The following RAB38 variants were observed in gnomAD, a reference collection of about 807,000 sequenced individuals.
RAB38 encodes ras-related protein Rab-38.
In RAB38, 15 loss-of-function variants were observed where a neutral mutation model predicts 18.4. That is an observed-to-expected ratio of 0.82 (90% confidence interval 0.55 to 1.26). RAB38 has a LOEUF of 1.26. RAB38 is among the 50% of genes most tolerant of loss of function. RAB38 has a pLI of 0.00. For missense variants in RAB38, 294 were observed against 267.4 expected, an observed-to-expected ratio of 1.10 and a Z score of -0.69; for synonymous variants, 101 against 104.4, an observed-to-expected ratio of 0.97 and a Z score of 0.20.
At chr11:88,074,633 G>T in the RAB38 span, among the ~76,000 whole-genome samples, 3 of 152,066 alleles carry the variant, frequency 2.0e-5, no homozygotes, top group Non-Finnish European at 4.4e-5. Flanking sequence ...CAGTAAGAAA[G>T]GAAGGAAGGG....
At chr11:88,042,122 T>C in the RAB38 span, among the ~76,000 whole-genome samples, 2 of 151,998 alleles carry the variant, frequency 1.3e-5, no homozygotes, top group Non-Finnish European at 2.9e-5. Flanking sequence ...TACTGTAAAC[T>C]CAACTCCTTC....
At chr11:87,969,967 T>A in the RAB38 span, among the ~76,000 whole-genome samples, 1 of 152,068 alleles carries the variant, frequency 6.6e-6, no homozygotes, top group African/African-American at 2.4e-5. Context: ...GAAACCTGTA[T>A]AACCAAGGTC....
At chr11:88,134,385 T>C (rs1326069322) in intron 2 of RAB38, among the ~76,000 whole-genome samples, 1 of 151,482 alleles carries the variant, frequency 6.6e-6, no homozygotes, top group African/African-American at 2.4e-5. Flanking sequence ...GGACTACCGG[T>C]GTCTGCCACC....
the RAB38 span, among the ~76,000 whole-genome samples, chr11:87,876,819 C>A: frequency 6.6e-6 from 1 of 151,710 alleles, no homozygotes; most frequent in African/African-American, 2.4e-5. Flanking sequence ...ACCTGCTCAC[C>A]TGGTAGCAGA....
the RAB38 span, among the ~76,000 whole-genome samples, chr11:87,919,875 A>G: frequency 6.6e-6 from 1 of 151,968 alleles, no homozygotes; most frequent in African/African-American, 2.4e-5. Context: ...TTTAACTTAA[A>G]TTTGTTGGCA....
At chr11:88,028,554 G>C in the RAB38 span, among the ~76,000 whole-genome samples, 1 of 152,182 alleles carries the variant, frequency 6.6e-6, no homozygotes, top group African/African-American at 2.4e-5. Context: ...GGAGCTGAAA[G>C]CCAAGGCTCG....
chr11:88,094,996 G>A, the RAB38 span, among the ~76,000 whole-genome samples: 4 of 151,264 alleles, frequency 2.6e-5, no homozygotes, highest in South Asian at 6.3e-4. Flanking sequence ...ACATTATTTC[G>A]CCTATGGCCA....
the RAB38 span, among the ~76,000 whole-genome samples, chr11:87,957,005 C>T: frequency 6.6e-6 from 1 of 151,544 alleles, no homozygotes; most frequent in African/African-American, 2.4e-5. Flanking sequence ...CTTGAGTCCT[C>T]ATTTCCGAAC....
At chr11:88,051,779 A>G in the RAB38 span, among the ~76,000 whole-genome samples, 2 of 152,214 alleles carry the variant, frequency 1.3e-5, no homozygotes, top group African/African-American at 4.8e-5. Context: ...TCAGCAAAGT[A>G]TTAGAACCAT....
At chr11:87,938,808 G>T in the RAB38 span, among the ~76,000 whole-genome samples, 1 of 151,758 alleles carries the variant, frequency 6.6e-6, no homozygotes, top group Non-Finnish European at 1.5e-5. Flanking sequence ...TCACCACTTT[G>T]TAGCTCCTTG....
At chr11:87,923,099 T>C in the RAB38 span, among the ~76,000 whole-genome samples, 9 of 151,998 alleles carry the variant, frequency 5.9e-5, no homozygotes, top group Non-Finnish European at 1.2e-4. Flanking sequence ...TGGTAGCTGT[T>C]CTGTTCTCCT....
At chr11:87,908,060 C>T in the RAB38 span, among the ~76,000 whole-genome samples, 1 of 151,782 alleles carries the variant, frequency 6.6e-6, no homozygotes, top group Admixed American at 6.6e-5. Context: ...GACTAAAATG[C>T]ATTTTGTAAT....
At position 88,133,807 on chromosome 11, in the gene RAB38, C is replaced by T. The variant is rs189293847; in HGVS notation, c.483+15868G>A. The stretch of plus-strand genomic sequence containing the variant: ...AGAAAAAAAAGAGTGAAAAGTCAGG[C>T]TACTCAAAAGTAATCTTATTAGGGC... On this transcript the variant is annotated intron_variant, in intron 2 of 2. Coordinates refer to ENST00000243662, the MANE Select transcript of RAB38 (RefSeq NM_022337.3). Among the ~76,000 whole-genome samples, 537 of 152,260 alleles carry T rather than the reference C, an allele frequency of 3.5e-3. 2 individuals carry two copies. Among genetic ancestry groups the T allele is most frequent in the South Asian group, 0.012 (58 of 4,822 alleles).
the RAB38 span, among the ~76,000 whole-genome samples, chr11:87,830,482 A>G: frequency 6.7e-6 from 1 of 150,234 alleles, no homozygotes; most frequent in Non-Finnish European, 1.5e-5. Context: ...CACTGTCTCA[A>G]AAAAAAAAAA....
At chr11:88,028,521 G>C in the RAB38 span, among the ~76,000 whole-genome samples, 1 of 152,170 alleles carries the variant, frequency 6.6e-6, no homozygotes, top group Non-Finnish European at 1.5e-5. Context: ...AACCAATACA[G>C]AGAAGTGCTT....
chr11:87,932,018 T>A, the RAB38 span, among the ~76,000 whole-genome samples: 6 of 151,810 alleles, frequency 4.0e-5, no homozygotes, highest in Non-Finnish European at 8.8e-5. Flanking sequence ...CTTCTGAGGA[T>A]GAAATTGTTT....
the RAB38 span, among the ~76,000 whole-genome samples, chr11:87,953,573 ATTATTATTAT>A: frequency 3.5e-4 from 54 of 152,132 alleles, no homozygotes; most frequent in African/African-American, 1.3e-3. Context: ...AATTGTTTAC[ATTATTATTAT>A]TTATTGTTAA....
At chr11:88,156,991 T>C (rs981290180) in intron 1 of RAB38, among the ~76,000 whole-genome samples, 1 of 152,136 alleles carries the variant, frequency 6.6e-6, no homozygotes, top group African/African-American at 2.4e-5. Context: ...ACCTCACATA[T>C]AAATATTAAC....
the RAB38 span, among the ~76,000 whole-genome samples, chr11:87,878,222 T>TATATATATATACACAC: frequency 1.7e-4 from 20 of 116,154 alleles, 3 homozygotes; most frequent in African/African-American, 5.9e-4. Flanking sequence ...TATATATATA[T>TATATATATATACACAC]ACACACATAT....
Sources: gnomAD v4.1 joint callset for allele counts (sites outside exome capture counted in the v4.1 genomes callset) on GRCh38, gnomAD v4.1.1 for gene constraint, MANE v1.5 for transcripts, NCBI Gene and HGNC (gene_info 2026-07-23, HGNC 2026-07-21) for gene names.